Variants in HS3ST4 observed in about 807,000 individuals in gnomAD.
HS3ST4 encodes heparan sulfate-glucosamine 3-sulfotransferase 4.
In HS3ST4, 17 loss-of-function variants were observed where a neutral mutation model predicts 29.2. The ratio of observed to expected loss-of-function variants is 0.58; its 90% CI spans 0.40 to 0.87. The LOEUF (loss-of-function observed/expected upper bound fraction) is 0.87, where lower values mean the gene tolerates loss of function less well. HS3ST4 is among the 40% of genes least tolerant of loss of function. The pLI, the probability that HS3ST4 is intolerant of heterozygous loss-of-function variation, is 0.00. For missense variants in HS3ST4, 627 were observed against 634.5 expected (o/e 0.99, Z 0.13); for synonymous variants, 314 against 285.7 (o/e 1.10, Z -1.00).
At position 26,136,567 on chromosome 16, in the gene HS3ST4, A is replaced by G. The variant is rs1189007503; in HGVS notation, c.*319A>G. ...ATAAATAGTTGTCAATGTCAGAGACAGTGCTATTAATGTATATGTGAGCGA... is the reference window on the plus strand; with the variant it reads ...ATAAATAGTTGTCAATGTCAGAGACGGTGCTATTAATGTATATGTGAGCGA... On this transcript the variant is annotated 3_prime_UTR_variant, in exon 2 of 2. Transcript: ENST00000331351. 2 of 373,810 alleles carry G rather than the reference A, an allele frequency of 5.4e-6. No homozygotes were observed. Among genetic ancestry groups the G allele is most frequent in the Non-Finnish European group, 4.9e-6 (1 of 204,402 alleles). 23.2% of individuals were successfully genotyped at this position (373,810 alleles called of 1,614,324 possible).
chr16:25,733,179 C>G (rs183421320), intron 1 of HS3ST4, among the ~76,000 whole-genome samples: 2 of 152,164 alleles, frequency 1.3e-5, no homozygotes, highest in African/African-American at 2.4e-5. Flanking sequence ...CAAACACATG[C>G]ATCTTATTTT....
chr16:25,982,391 G>A (rs35750134), intron 1 of HS3ST4, among the ~76,000 whole-genome samples: 3,976 of 152,292 alleles, frequency 0.026, 186 homozygotes, highest in African/African-American at 0.091. Flanking sequence ...CTGGCAACCT[G>A]TGTAGGATCA....
At chr16:26,096,697 G>GCC (rs1286026619) in intron 1 of HS3ST4, among the ~76,000 whole-genome samples, 1 of 152,168 alleles carries the variant, frequency 6.6e-6, no homozygotes, top group Non-Finnish European at 1.5e-5. Context: ...AGACAAGGAT[G>GCC]CCCTCTCTCA....
intron 1 of HS3ST4, among the ~76,000 whole-genome samples, chr16:25,777,282 A>G (rs1966848377): frequency 6.6e-6 from 1 of 152,160 alleles, no homozygotes. Flanking sequence ...ATATCTGCCA[A>G]TATCCCCCAC....
intron 1 of HS3ST4, among the ~76,000 whole-genome samples, chr16:25,810,798 G>A (rs1389172370): frequency 6.6e-6 from 1 of 152,052 alleles, no homozygotes; most frequent in South Asian, 2.1e-4. Context: ...TTTTCCCCCG[G>A]TTGTATAAAT....
chr16:26,071,106 CAT>C (rs1356730230), intron 1 of HS3ST4, among the ~76,000 whole-genome samples: 2 of 151,976 alleles, frequency 1.3e-5, no homozygotes, highest in Non-Finnish European at 1.5e-5. Flanking sequence ...TAATAGAAAA[CAT>C]GTGTAGCTGA....
chr16:25,943,081 G>C (rs1246284362), intron 1 of HS3ST4, among the ~76,000 whole-genome samples: 2 of 152,042 alleles, frequency 1.3e-5, no homozygotes, highest in Non-Finnish European at 2.9e-5. Flanking sequence ...TAAAAATCTG[G>C]AAAATTGAGC....
intron 1 of HS3ST4, among the ~76,000 whole-genome samples, chr16:25,836,137 T>G (rs184742717): frequency 1.6e-4 from 24 of 152,208 alleles, no homozygotes; most frequent in African/African-American, 5.3e-4. Context: ...TGGCCTCCCC[T>G]CGCCAAATCA....
intron 1 of HS3ST4, among the ~76,000 whole-genome samples, chr16:25,867,560 A>G (rs1320528311): frequency 2.0e-5 from 3 of 152,246 alleles, no homozygotes; most frequent in East Asian, 1.9e-4. Flanking sequence ...TTAGCCTTCA[A>G]TAAACAGTCA....
intron 1 of HS3ST4, among the ~76,000 whole-genome samples, chr16:25,851,754 A>G (rs2141649898): frequency 6.6e-6 from 1 of 152,280 alleles, no homozygotes; most frequent in South Asian, 2.1e-4. Context: ...GAAATACACT[A>G]GACATAGCAA....
At chr16:25,728,568 G>A (rs1966551896) in intron 1 of HS3ST4, among the ~76,000 whole-genome samples, 2 of 152,212 alleles carry the variant, frequency 1.3e-5, no homozygotes, top group Admixed American at 1.3e-4. Flanking sequence ...TTAGGGAAGA[G>A]AGACTGTAGG....
intron 1 of HS3ST4, among the ~76,000 whole-genome samples, chr16:25,875,932 G>A (rs1451950122): frequency 6.6e-6 from 1 of 152,142 alleles, no homozygotes; most frequent in Non-Finnish European, 1.5e-5. Context: ...ATTAGGATCT[G>A]AGGCCATAAC....
At chr16:25,850,222 C>T (rs1967504433) in intron 1 of HS3ST4, among the ~76,000 whole-genome samples, 1 of 151,800 alleles carries the variant, frequency 6.6e-6, no homozygotes, top group African/African-American at 2.4e-5. Context: ...TGGTCTTGAA[C>T]CCTGATCCAC....
At chr16:25,859,695 G>A (rs1424883187) in intron 1 of HS3ST4, among the ~76,000 whole-genome samples, 7 of 152,178 alleles carry the variant, frequency 4.6e-5, no homozygotes, top group Non-Finnish European at 8.8e-5. Context: ...ACAAAACAGG[G>A]TCAAAGACCT....
intron 1 of HS3ST4, among the ~76,000 whole-genome samples, chr16:25,986,295 A>G (rs1197362449): frequency 6.6e-6 from 1 of 152,212 alleles, no homozygotes; most frequent in Non-Finnish European, 1.5e-5. Context: ...AGGCATTGAA[A>G]CTGGCCTTAT....
At chr16:26,107,420 G>T (rs866736516) in intron 1 of HS3ST4, among the ~76,000 whole-genome samples, 1 of 152,012 alleles carries the variant, frequency 6.6e-6, no homozygotes, top group Non-Finnish European at 1.5e-5. Flanking sequence ...AGCTTTTGGG[G>T]TACAAGTGGT....
intron 1 of HS3ST4, among the ~76,000 whole-genome samples, chr16:25,984,747 T>G (rs1168454305): frequency 3.3e-5 from 5 of 152,226 alleles, no homozygotes; most frequent in Non-Finnish European, 7.3e-5. Context: ...GACTTCATAC[T>G]TTTTTACAGC....
At chr16:25,963,254 C>G (rs927099828) in intron 1 of HS3ST4, among the ~76,000 whole-genome samples, 2 of 152,114 alleles carry the variant, frequency 1.3e-5, no homozygotes, top group Non-Finnish European at 2.9e-5. Flanking sequence ...AAGGGTTAGC[C>G]ACATCTGTCT....
chr16:25,788,415 CA>C (rs11384547), intron 1 of HS3ST4, among the ~76,000 whole-genome samples: 111 of 143,074 alleles, frequency 7.8e-4, no homozygotes, highest in African/African-American at 1.9e-3. Context: ...AATTCTGTCT[CA>C]AAAAAAAAAA....
Sources: gnomAD v4.1 joint callset for allele counts (sites outside exome capture counted in the v4.1 genomes callset) on GRCh38, gnomAD v4.1.1 for gene constraint, MANE v1.5 for transcripts, NCBI Gene and HGNC (gene_info 2026-07-23, HGNC 2026-07-21) for gene names.